ASIC2: variants seen among roughly 807,000 people sequenced by gnomAD.
ASIC2 encodes the protein acid sensing ion channel subunit 2.
Under a neutral mutation model 57.3 loss-of-function variants are expected in ASIC2, and 25 were observed. That is an observed-to-expected ratio of 0.44 (90% CI 0.32 to 0.61). The LOEUF (loss-of-function observed/expected upper bound fraction) is 0.61. ASIC2 is among the 20% of genes least tolerant of loss of function. The pLI, the probability that ASIC2 is intolerant of heterozygous loss-of-function variation, is 0.06. For missense variants in ASIC2, 641 were observed against 738.1 expected (o/e 0.87, Z 1.52); for synonymous variants, 319 against 307.5 (o/e 1.04, Z -0.39).
intron 1 of ASIC2, among the ~76,000 whole-genome samples, chr17:33,305,338 A>T (rs1237788996): frequency 6.6e-6 from 1 of 152,198 alleles, no homozygotes. Flanking sequence ...AGCATGGTTT[A>T]AGCATGAGTG....
At chr17:33,829,778 T>A (rs1913049335) in intron 1 of ASIC2, among the ~76,000 whole-genome samples, 1 of 152,102 alleles carries the variant, frequency 6.6e-6, no homozygotes, top group Non-Finnish European at 1.5e-5. Flanking sequence ...TTGGTCAGAC[T>A]TGTCTCGAAA....
intron 1 of ASIC2, among the ~76,000 whole-genome samples, chr17:33,343,355 T>G (rs1184440960): frequency 2.0e-5 from 3 of 152,226 alleles, no homozygotes; most frequent in Non-Finnish European, 4.4e-5. Context: ...CCGTGATTCT[T>G]AATAGATTCC....
intron 1 of ASIC2, among the ~76,000 whole-genome samples, chr17:34,095,095 A>T (rs1910469517): frequency 6.6e-6 from 1 of 152,254 alleles, no homozygotes; most frequent in African/African-American, 2.4e-5. Flanking sequence ...AAATGGAAAC[A>T]TTAAACAGGA....
chr17:33,178,290 T>C (rs549131195), intron 1 of ASIC2, among the ~76,000 whole-genome samples: 41 of 152,220 alleles, frequency 2.7e-4, no homozygotes, highest in Non-Finnish European at 5.0e-4. Context: ...AATTAAAAAT[T>C]TTAAAATATG....
chr17:33,442,729 GT>G (rs201869868), intron 1 of ASIC2, among the ~76,000 whole-genome samples: 10 of 151,100 alleles, frequency 6.6e-5, no homozygotes, highest in African/African-American at 1.7e-4. Flanking sequence ...AATAAAGACA[GT>G]TTTTTTTTCT....
intron 1 of ASIC2, among the ~76,000 whole-genome samples, chr17:33,876,252 T>C (rs1188468906): frequency 6.6e-6 from 1 of 152,190 alleles, no homozygotes; most frequent in East Asian, 1.9e-4. Context: ...CTCATTTCAC[T>C]CCTTGAGAAG....
rs1909314166 is a variant in ASIC2 at position 33,377,278 on chromosome 17, T to C, written c.556-265211A>G. 2.0e-5 allele frequency among the ~76,000 whole-genome samples: 3 copies of C among 152,202 alleles called. No individual in the cohort carries two copies. In the South Asian group the frequency reaches 6.2e-4, roughly 32 times the overall value. ...GTTTGCCAGACTAGTCTCAAACTCC[T>C]GACCTCAAGGGATCCACCTGCCTCA... On this transcript the variant is annotated intron_variant, in intron 1 of 9. Transcript: ENST00000359872.
intron 1 of ASIC2, among the ~76,000 whole-genome samples, chr17:33,640,435 A>G (rs148173642): frequency 6.6e-6 from 1 of 152,346 alleles, no homozygotes; most frequent in East Asian, 1.9e-4. Flanking sequence ...TTCTTTGCAA[A>G]AAAACCACAA....
In ASIC2 at chr17:33,443,878, C is replaced by A. The variant is rs558395481; in HGVS notation, c.556-331811G>T. ...CTCTGTGCTGTGCAGCTGCTTATAT[C>A]TCTGCTCAGTTTCTTAAAATATTAT... On this transcript the variant is annotated intron_variant, in intron 1 of 9. Coordinates refer to the ASIC2 transcript ENST00000359872. Among the ~76,000 whole-genome samples, 10 of 152,222 alleles carry A rather than the reference C, an allele frequency of 6.6e-5. No homozygotes were observed. In the South Asian group the frequency reaches 1.0e-3, roughly 16 times the overall value.
At chr17:34,148,083 AGAG>A (rs1904364566) in intron 1 of ASIC2, among the ~76,000 whole-genome samples, 1 of 152,192 alleles carries the variant, frequency 6.6e-6, no homozygotes. Flanking sequence ...ACTACAATAC[AGAG>A]GAGGAAAGGA....
chr17:33,133,617 A>C (rs550800829), intron 1 of ASIC2, among the ~76,000 whole-genome samples: 7 of 152,362 alleles, frequency 4.6e-5, no homozygotes, highest in African/African-American at 1.7e-4. Context: ...GTAAACTTTA[A>C]GTCTGTGTGA....
At chr17:33,277,658 T>G (rs540988282) in intron 1 of ASIC2, among the ~76,000 whole-genome samples, 4 of 152,152 alleles carry the variant, frequency 2.6e-5, no homozygotes, top group Non-Finnish European at 4.4e-5. Context: ...AGCAGAGGAA[T>G]GTGGTGCTAA....
chr17:33,999,726 T>G (rs1342272363), intron 1 of ASIC2, among the ~76,000 whole-genome samples: 1 of 152,170 alleles, frequency 6.6e-6, no homozygotes, highest in African/African-American at 2.4e-5. Flanking sequence ...CATTAATAAA[T>G]TGTTGTAGCT....
At chr17:33,475,767 T>G (rs529011906) in intron 1 of ASIC2, among the ~76,000 whole-genome samples, 1 of 152,334 alleles carries the variant, frequency 6.6e-6, no homozygotes, top group South Asian at 2.1e-4. Flanking sequence ...AGCGGCCTTA[T>G]CTGAAACAGA....
Position 33,291,740 on chromosome 17 carries a change from G to T in ASIC2, c.376C>A (p.Arg126Ser), listed in dbSNP as rs765959705. 2.7e-5 allele frequency: 43 copies of T among 1,613,172 alleles called. No individual in the cohort carries two copies. The highest frequency in any genetic ancestry group is 1.6e-4 in the Middle Eastern group (1 of 6,082). ...GTGACGGCGGGGAAGGGTAACTGGC[G>T]GCTCCACTCGCGGTGCACCCGCGTG... is the stretch of plus-strand genomic sequence containing the variant. Reference protein sequence around the residue: ...SHTRVHREWSRQLPFPAVTVC... With the variant: ...SHTRVHREWSSQLPFPAVTVC... Residue 126 changes from arginine (R) to serine (S), a missense_variant, in exon 1 of 10, where the codon CGC (arginine) becomes AGC (serine). Arg to Ser is a moderately radical substitution (Grantham distance 110, BLOSUM62 -1). Coordinates refer to ENST00000225823, the MANE Select transcript of ASIC2 (RefSeq NM_183377.2).
chr17:33,533,945 C>A (rs1915142009), intron 1 of ASIC2, among the ~76,000 whole-genome samples: 1 of 152,152 alleles, frequency 6.6e-6, no homozygotes, highest in Non-Finnish European at 1.5e-5. Context: ...ACCAGCTGTT[C>A]CCCAAAAATC....
At chr17:34,069,515 C>CG (rs1347049100) in intron 1 of ASIC2, 1 of 152,100 alleles carries the variant, frequency 6.6e-6, no homozygotes, top group Non-Finnish European at 1.5e-5. Flanking sequence ...AAGCTCCTCC[C>CG]GGCCTTGGGC....
At chr17:33,710,082 T>A (rs920963253) in intron 1 of ASIC2, among the ~76,000 whole-genome samples, 1 of 152,200 alleles carries the variant, frequency 6.6e-6, no homozygotes, top group African/African-American at 2.4e-5. Flanking sequence ...AGAAAGGAGA[T>A]GAGATTTCTC....
chr17:33,369,338 T>C (rs925029086), intron 1 of ASIC2, among the ~76,000 whole-genome samples: 1 of 152,214 alleles, frequency 6.6e-6, no homozygotes, highest in Admixed American at 6.5e-5. Context: ...TTTGTGAGCC[T>C]GAGTCACCTA....
Sources: allele counts gnomAD v4.1 joint callset (sites outside exome capture counted in the v4.1 genomes callset), GRCh38; gene constraint gnomAD v4.1.1; transcripts MANE v1.5; gene names NCBI Gene and HGNC (gene_info 2026-07-23, HGNC 2026-07-21).